Variants in EDIL3 observed in about 807,000 individuals in gnomAD.
EDIL3 encodes the protein EGF-like repeat and discoidin I-like domain-containing protein 3.
In EDIL3, 37 loss-of-function variants were observed where a neutral mutation model predicts 67.4. The ratio of observed to expected loss-of-function variants is 0.55; its 90% CI spans 0.42 to 0.72. The LOEUF is 0.72. Among genes scored for constraint, EDIL3 ranks in the 30% least tolerant of loss-of-function variants. The pLI is 0.00. For synonymous variants in EDIL3, 195 were observed against 196.3 expected, an observed-to-expected ratio of 0.99 and a Z score of 0.05; for missense variants, 527 against 586.3, an observed-to-expected ratio of 0.90 and a Z score of 1.04.
chr5:84,321,897 A>G (rs1269874187), intron 1 of EDIL3, among the ~76,000 whole-genome samples: 1 of 152,128 alleles, frequency 6.6e-6, no homozygotes, highest in East Asian at 1.9e-4. Context: ...CAAGACATAG[A>G]AGGACAGGAC....
intron 1 of EDIL3, among the ~76,000 whole-genome samples, chr5:84,361,761 AGCACTGTGAG>A (rs1313558947): frequency 6.6e-6 from 1 of 151,920 alleles, no homozygotes; most frequent in Admixed American, 6.6e-5. Context: ...TACTTTTGTA[AGCACTGTGAG>A]GCATACCAAA....
chr5:84,031,533 C>T (rs2112203184), intron 9 of EDIL3, among the ~76,000 whole-genome samples: 1 of 152,250 alleles, frequency 6.6e-6, no homozygotes, highest in African/African-American at 2.4e-5. Context: ...GTAATTCGGT[C>T]ATGAATGTGG....
chr5:84,213,285 GA>G (rs371225195), intron 3 of EDIL3, among the ~76,000 whole-genome samples: 14 of 149,880 alleles, frequency 9.3e-5, no homozygotes, highest in Middle Eastern at 3.4e-3. Context: ...AATGTTTCTG[GA>G]AAAAAAAATC....
intron 2 of EDIL3, among the ~76,000 whole-genome samples, chr5:84,252,609 T>C (rs1468251324): frequency 6.6e-6 from 1 of 151,636 alleles, no homozygotes; most frequent in Non-Finnish European, 1.5e-5. Context: ...AAAAATATTA[T>C]ATACTATTAT....
intron 9 of EDIL3, among the ~76,000 whole-genome samples, chr5:83,997,447 G>T (rs1435486389): frequency 6.6e-6 from 1 of 152,170 alleles, no homozygotes; most frequent in Non-Finnish European, 1.5e-5. Flanking sequence ...AGTGAAAAGA[G>T]AAATTCAGGA....
chr5:84,256,119 A>ATCTATCTATCTAT (rs71607708), intron 1 of EDIL3, among the ~76,000 whole-genome samples: 25 of 147,126 alleles, frequency 1.7e-4, no homozygotes, highest in African/African-American at 6.1e-4. Context: ...TTATCATCTA[A>ATCTATCTATCTAT]CTATCTATCT....
At chr5:84,071,334 C>T (rs373171228) in intron 6 of EDIL3, among the ~76,000 whole-genome samples, 1 of 152,126 alleles carries the variant, frequency 6.6e-6, no homozygotes, top group Non-Finnish European at 1.5e-5. Flanking sequence ...GTATTAATAA[C>T]AAATTCTCTA....
chr5:84,217,018 A>G (rs1213051442), intron 3 of EDIL3, among the ~76,000 whole-genome samples: 1 of 152,142 alleles, frequency 6.6e-6, no homozygotes, highest in Admixed American at 6.5e-5. Context: ...ATGGCATTTT[A>G]TCTTATCCAT....
intron 1 of EDIL3, among the ~76,000 whole-genome samples, chr5:84,305,617 C>T (rs113158672): frequency 3.3e-5 from 5 of 152,204 alleles, no homozygotes; most frequent in African/African-American, 1.2e-4. Flanking sequence ...CGGTGGCTCA[C>T]GCCTGTAATC....
chr5:84,253,895 TAAAG>T (rs1338130738), intron 2 of EDIL3, among the ~76,000 whole-genome samples, 185 bp downstream of exon 2: 3 of 151,966 alleles, frequency 2.0e-5, no homozygotes, highest in African/African-American at 4.8e-5. Context: ...TTTTAAAACT[TAAAG>T]AACACAATTA....
chr5:84,098,290 C>T (rs1747302353), intron 6 of EDIL3, among the ~76,000 whole-genome samples: 1 of 151,874 alleles, frequency 6.6e-6, no homozygotes, highest in Admixed American at 6.6e-5. Context: ...TGTCATACAC[C>T]TGAAAGATTA....
chr5:84,030,570 A>G lies in EDIL3; in HGVS notation c.1137+29730T>C, dbSNP rs181158187. 3.2e-3 allele frequency among the ~76,000 whole-genome samples: 486 copies of G among 152,330 alleles called. 1 individual carries two copies. The highest frequency in any genetic ancestry group is 5.0e-3 in the Non-Finnish European group (337 of 68,028). On this transcript the variant is annotated intron_variant, in intron 9 of 10. Coordinates refer to ENST00000296591, the MANE Select transcript of EDIL3 (RefSeq NM_005711.5). ...CTAGGGCTGTATTTATACTGTCATA[A>G]TATAGAAGAATTTCAAACATACTAA...
intron 2 of EDIL3, among the ~76,000 whole-genome samples, chr5:84,230,799 G>GTGTGTGTGTGTC: frequency 6.7e-6 from 1 of 148,256 alleles, no homozygotes; most frequent in Non-Finnish European, 1.5e-5. Context: ...GTGTGTGTGT[G>GTGTGTGTGTGTC]ACATACACAC....
At chr5:83,953,327 T>C (rs1744452205) in intron 10 of EDIL3, among the ~76,000 whole-genome samples, 1 of 151,820 alleles carries the variant, frequency 6.6e-6, no homozygotes, top group Non-Finnish European at 1.5e-5. Flanking sequence ...AGCTGAGCAG[T>C]CACTAACTCT....
At chr5:84,340,571 T>TAA (rs1747089924) in intron 1 of EDIL3, among the ~76,000 whole-genome samples, 8 of 136,818 alleles carry the variant, frequency 5.8e-5, no homozygotes, top group Admixed American at 3.7e-4. Context: ...TATATATATA[T>TAA]GTTAGTCTAC....
chr5:84,349,960 C>T (rs549137247), intron 1 of EDIL3, among the ~76,000 whole-genome samples: 8 of 152,218 alleles, frequency 5.3e-5, no homozygotes, highest in Admixed American at 1.3e-4. Context: ...AACAGCTCTA[C>T]GAGGTAGATA....
intron 6 of EDIL3, among the ~76,000 whole-genome samples, chr5:84,096,983 C>T (rs1747276242): frequency 6.6e-6 from 1 of 152,138 alleles, no homozygotes; most frequent in African/African-American, 2.4e-5. Context: ...GTCACTTGCT[C>T]CTCCTTGCCT....
At chr5:84,150,258 T>C (rs919002875) in intron 4 of EDIL3, among the ~76,000 whole-genome samples, 4 of 152,148 alleles carry the variant, frequency 2.6e-5, no homozygotes, top group African/African-American at 9.7e-5. Flanking sequence ...TCAAAATAGA[T>C]TGTAGATTAC....
At chr5:84,238,088 A>C (rs1436922072) in intron 2 of EDIL3, among the ~76,000 whole-genome samples, 2 of 152,178 alleles carry the variant, frequency 1.3e-5, no homozygotes, top group Non-Finnish European at 2.9e-5. Context: ...GCTTTTAAAA[A>C]ATAAATGGTG....
Sources: allele counts gnomAD v4.1 joint callset (sites outside exome capture counted in the v4.1 genomes callset), GRCh38; gene constraint gnomAD v4.1.1; transcripts MANE v1.5; gene names NCBI Gene and HGNC (gene_info 2026-07-23, HGNC 2026-07-21).